The following RUBCN variants were observed in gnomAD, a reference collection of about 807,000 sequenced individuals.
RUBCN encodes rubicon autophagy regulator, also known as run domain Beclin-1-interacting and cysteine-rich domain-containing protein.
RUBCN carries 74 observed loss-of-function variants against 113.2 expected under a neutral mutation model. The ratio of observed to expected loss-of-function variants is 0.65; its 90% CI spans 0.54 to 0.79. The LOEUF (loss-of-function observed/expected upper bound fraction) is 0.79, where lower values mean the gene tolerates loss of function less well. RUBCN is among the 30% of genes least tolerant of loss of function. RUBCN has a pLI of 0.00. For missense variants in RUBCN, 1,109 were observed against 1,251.7 expected (o/e 0.89, Z 1.72); for synonymous variants, 480 against 490.0 (o/e 0.98, Z 0.27).
In RUBCN at chr3:197,675,315, C is replaced by T; in HGVS notation, c.2740+107G>A. ...AGGCGTGGTGTCCCCTGGGGAGGCC[C>T]CGCGAGGTGCTGAGTGGCACCGAAC... is the stretch of plus-strand genomic sequence containing the variant. On this transcript the variant is annotated intron_variant, in intron 19 of 19. Transcript: ENST00000296343. The surrounding 1 kb of genome is among the most constrained non-coding windows in gnomAD (Gnocchi z 4.4). 6.6e-7 allele frequency: 1 copy of T among 1,505,260 alleles called. No individual in the cohort carries two copies. Among genetic ancestry groups the T allele is most frequent in the South Asian group, 1.1e-5 (1 of 88,670 alleles). The allele number at this position is 1,505,260 out of a possible 1,614,324, so 93.2% of individuals were successfully genotyped here.
Position 197,736,637 on chromosome 3 carries a change from CG to C in RUBCN, c.65+17del, listed in dbSNP as rs1221713531. On this transcript the variant is annotated intron_variant, in intron 1 of 19. Transcript: ENST00000296343. ...GGCGCCTGTCGCTGCCCCGACTCCG[CG>C]GCGGCTCCCAGCCCACCTGCTCTCC... 6.5e-7 allele frequency: 1 copy of C among 1,532,478 alleles called. No individual in the cohort carries two copies. Among genetic ancestry groups the C allele is most frequent in the Admixed American group, 2.0e-5 (1 of 50,952 alleles). 94.9% of individuals were successfully genotyped at this position (1,532,478 alleles called of 1,614,324 possible).
At position 197,718,067 on chromosome 3, in the gene RUBCN, G is replaced by A. The variant is rs1725742833; in HGVS notation, c.129C>T (p.Asn43=). The A allele has an allele frequency of 1.2e-6, 2 of 1,614,106 alleles. No individual in the cohort carries two copies. The highest frequency in any genetic ancestry group is 1.7e-6 in the Non-Finnish European group (2 of 1,180,054). The change falls in exon 2 of 20, where the codon AAC becomes AAT. Residue 43 remains asparagine, a synonymous_variant. Coordinates refer to ENST00000296343, the MANE Select transcript of RUBCN (RefSeq NM_014687.4). ...KTTVEGLVST[N]SPNVWSKYGG... ...CATACTTAGACCAGACGTTGGGGCTGTTGGTTGATACCAAACCCTCCACCG... is the reference window on the plus strand; with the variant it reads ...CATACTTAGACCAGACGTTGGGGCTATTGGTTGATACCAAACCCTCCACCG...
At chr3:197,721,472 TTTTA>T (rs1425736135) in intron 1 of RUBCN, among the ~76,000 whole-genome samples, 5 of 152,184 alleles carry the variant, frequency 3.3e-5, no homozygotes, top group African/African-American at 7.2e-5. Context: ...TTCTCTCTGA[TTTTA>T]TTTATTTGAG....
chr3:197,738,798 C>T (rs1728373902), upstream of RUBCN, among the ~76,000 whole-genome samples: 1 of 151,684 alleles, frequency 6.6e-6, no homozygotes, highest in African/African-American at 2.4e-5. Context: ...CACTGTGCTG[C>T]CTAAGCTGGT....
upstream of RUBCN, chr3:197,736,948 C>T (rs1356195068): frequency 2.3e-6 from 3 of 1,318,302 alleles, no homozygotes; most frequent in African/African-American, 1.6e-5. Flanking sequence ...GCGAGCACTC[C>T]GAGGCTAGGC....
chr3:197,681,243 G>C lies in RUBCN; in HGVS notation c.2316C>G (p.Tyr772Ter), dbSNP rs1223306832. 1.9e-6 allele frequency: 3 copies of C among 1,613,946 alleles called. No homozygotes were observed. The stretch of plus-strand genomic sequence containing the variant: ...GCAGGTCCTTGGAGAAGTTGCTGAC[G>C]TAGTACTTGCTGAAGTCCCACTTGC... Reference protein sequence around the residue: ...VLRKWDFSKYYVSNFSKDLLI... With the variant: ...VLRKWDFSKY The change falls in exon 16 of 20, where the codon TAC (tyrosine) becomes TAG (stop). Residue 772 changes from tyrosine to a stop codon, truncating the protein, a stop_gained. Transcript: ENST00000296343. LOFTEE classifies it high-confidence loss of function. This position sits in a 1 kb window ranked among gnomAD's most constrained non-coding sequence, Gnocchi z 5.5.
At chr3:197,717,896 T>G (rs1725720146) in intron 2 of RUBCN, 81 bp downstream of exon 2, 1 of 1,536,688 alleles carries the variant, frequency 6.5e-7, no homozygotes. Context: ...ACCAGTGGCC[T>G]TCATCTCCTC....
At position 197,671,254 on chromosome 3, in the gene RUBCN, T is replaced by TCC. The variant is rs1484490889; in HGVS notation, c.*3762_*3763dup. 6.6e-6 allele frequency: 1 copy of TCC among 152,080 alleles called. No individual in the cohort carries two copies. The allele number at this position is 152,080 out of a possible 1,614,324, so 9.4% of individuals were successfully genotyped here. A position where few individuals can be genotyped will look rare whatever the true frequency, so the allele number is the denominator to read the frequency against. ...GTCTTGAATTCCTGACCTCAGGTGA[T>TCC]CCCCCTGCCTTGGTCTCTCAAAGTA... On this transcript the variant is annotated 3_prime_UTR_variant, in exon 20 of 20. Transcript: ENST00000296343.
At chr3:197,731,653 C>T (rs1727496098) in intron 1 of RUBCN, among the ~76,000 whole-genome samples, 1 of 145,658 alleles carries the variant, frequency 6.9e-6, no homozygotes, top group Non-Finnish European at 1.5e-5. Context: ...CCGGACGGGG[C>T]GGCTGGCCGG....
chr3:197,705,234 T>C (rs1032210039), intron 2 of RUBCN, 59 bp from the exon 3 acceptor site: 1 of 1,480,338 alleles, frequency 6.8e-7, no homozygotes, highest in Non-Finnish European at 9.4e-7. Flanking sequence ...GATCTAGTTC[T>C]AGGGTTGGCA....
chr3:197,738,048 C>G (rs543368748), upstream of RUBCN, among the ~76,000 whole-genome samples: 1 of 152,298 alleles, frequency 6.6e-6, no homozygotes, highest in South Asian at 2.1e-4. Context: ...GCCACCACAC[C>G]TAGCTATGAT....
Position 197,674,580 on chromosome 3 carries a change from C to G in RUBCN, c.*438G>C. 1 of 498,212 alleles carries G rather than the reference C, an allele frequency of 2.0e-6. No individual in the cohort carries two copies. The highest frequency in any genetic ancestry group is 4.1e-6 in the Non-Finnish European group (1 of 244,316). The allele number at this position is 498,212 out of a possible 1,614,324, so 30.9% of individuals were successfully genotyped here. A position where few individuals can be genotyped will look rare whatever the true frequency, so the allele number is the denominator to read the frequency against. On this transcript the variant is annotated 3_prime_UTR_variant, in exon 20 of 20. Transcript: ENST00000296343. ...ACAGGGAGAGGGAAAACGCCATCCC[C>G]GTTTCAGCAGCAGGAGAGGTGGTTG...
At chr3:197,699,246 A>G (rs1387267993) in intron 7 of RUBCN, 1 of 1,535,084 alleles carries the variant, frequency 6.5e-7, no homozygotes, top group Non-Finnish European at 8.8e-7. Flanking sequence ...CGGTAGACAG[A>G]CAGGTGCAGA....
chr3:197,680,640 C>G (rs1406120298), intron 16 of RUBCN, among the ~76,000 whole-genome samples: 2 of 152,238 alleles, frequency 1.3e-5, no homozygotes, highest in African/African-American at 4.8e-5. Context: ...AGAGTGCCCT[C>G]TAGTCAGGGA....
chr3:197,697,160 A>T, intron 7 of RUBCN, 111 bp from the exon 8 acceptor site: 1 of 686,372 alleles, frequency 1.5e-6, no homozygotes, highest in Non-Finnish European at 2.7e-6. Flanking sequence ...AGCCCTCCCA[A>T]GCAGGAGAGA....
chr3:197,736,566 C>A, intron 1 of RUBCN, 89 bp downstream of exon 1: 3 of 1,326,268 alleles, frequency 2.3e-6, no homozygotes, highest in South Asian at 1.3e-5. Context: ...TCGCGCCCGG[C>A]CCTTCTCTCC....
At chr3:197,676,616 A>C in intron 18 of RUBCN, 1 of 1,337,534 alleles carries the variant, frequency 7.5e-7, no homozygotes, top group Non-Finnish European at 9.6e-7. Context: ...CCTGGCCAAC[A>C]CTTCTTGAGT....
At chr3:197,741,567 A>G (rs1486599289), upstream of RUBCN, among the ~76,000 whole-genome samples, 1 of 152,178 alleles carries the variant, frequency 6.6e-6, no homozygotes, top group Non-Finnish European at 1.5e-5. Flanking sequence ...ACAGTGGCTC[A>G]TGCCTGTAAT....
intron 16 of RUBCN, among the ~76,000 whole-genome samples, chr3:197,679,659 C>A (rs1372418390): frequency 6.7e-6 from 1 of 148,988 alleles, no homozygotes; most frequent in East Asian, 2.0e-4. Context: ...TGGCTTCAGA[C>A]TGTCCTACGC....
Sources: allele counts gnomAD v4.1 joint callset (sites outside exome capture counted in the v4.1 genomes callset), GRCh38; gene constraint gnomAD v4.1.1; non-coding constraint Gnocchi (gnomAD v3.1); transcripts MANE v1.5; gene names NCBI Gene and HGNC (gene_info 2026-07-23, HGNC 2026-07-21).